Variants in DAD1 observed in about 807,000 individuals in gnomAD.
DAD1 encodes the protein dolichyl-diphosphooligosaccharide--protein glycosyltransferase subunit DAD1.
A neutral mutation model predicts 9.0 loss-of-function variants in DAD1; 4 were observed. That is an observed-to-expected ratio of 0.44 (90% CI 0.22 to 1.01). DAD1 has a LOEUF of 1.01. Ranked by LOEUF, DAD1 falls within the 50% of genes least tolerant of loss-of-function variation. The probability of loss-of-function intolerance (pLI) is 0.24; values close to 1 mark genes in which losing one functional copy is unlikely to be tolerated. For synonymous variants in DAD1, 60 were observed against 62.5 expected, an observed-to-expected ratio of 0.96 and a Z score of 0.19; for missense variants, 119 against 137.3, an observed-to-expected ratio of 0.87 and a Z score of 0.67.
At chr14:22,566,462 T>A (rs1372415104) in intron 2 of DAD1, among the ~76,000 whole-genome samples, 2 of 152,266 alleles carry the variant, frequency 1.3e-5, no homozygotes, top group East Asian at 3.9e-4. Flanking sequence ...ACCTGCTGAG[T>A]AGCTGGGATT....
intron 2 of DAD1, among the ~76,000 whole-genome samples, chr14:22,568,767 A>G (rs2037018212): frequency 6.7e-6 from 1 of 150,082 alleles, no homozygotes; most frequent in Non-Finnish European, 1.5e-5. Context: ...GCATGATCAC[A>G]GTTCACTGCA....
At chr14:22,582,342 T>A (rs1172167209) in intron 1 of DAD1, among the ~76,000 whole-genome samples, 19 of 144,772 alleles carry the variant, frequency 1.3e-4, no homozygotes, top group Admixed American at 1.1e-3. Context: ...GTGAGACCCA[T>A]CTCCACTAAA....
chr14:22,566,495 A>C (rs2037003074), intron 2 of DAD1, among the ~76,000 whole-genome samples: 1 of 152,156 alleles, frequency 6.6e-6, no homozygotes, highest in African/African-American at 2.4e-5. Flanking sequence ...CACCACACCC[A>C]GCTAATTTTT....
intron 2 of DAD1, among the ~76,000 whole-genome samples, chr14:22,573,629 G>A (rs573018313): frequency 1.4e-5 from 2 of 144,818 alleles, no homozygotes; most frequent in African/African-American, 2.6e-5. Context: ...AGAATGGCAT[G>A]AACTCGGGAG....
At chr14:22,566,322 C>T (rs2139234098) in intron 2 of DAD1, among the ~76,000 whole-genome samples, 1 of 150,536 alleles carries the variant, frequency 6.6e-6, no homozygotes, top group Admixed American at 6.7e-5. Flanking sequence ...GACTATCAGC[C>T]AATATAACAT....
At position 22,589,062 on chromosome 14, in the gene DAD1, C is replaced by T. The variant is rs1025349629; in HGVS notation, c.96G>A (p.Leu32=). ...QRLKLLDAYL[L]YILLTGALQF... ...GCAGCGCCCCGGTCAGCAGTATATA[C>T]AGCAGGTACGCGTCCAGCAACTTCA... Residue 32 remains leucine, a synonymous_variant, in exon 1 of 3, where the codon CTG becomes CTA. Coordinates refer to ENST00000250498, the MANE Select transcript of DAD1 (RefSeq NM_001344.4). 3.1e-6 allele frequency: 5 copies of T among 1,614,122 alleles called. No individual in the cohort carries two copies. The African/African-American group carries it at 6.7e-5, about 22-fold the overall frequency.
At chr14:22,570,555 T>C (rs1026298211) in intron 2 of DAD1, among the ~76,000 whole-genome samples, 7 of 152,156 alleles carry the variant, frequency 4.6e-5, no homozygotes, top group South Asian at 4.1e-4. Flanking sequence ...ACATGAAACA[T>C]ACCATCCACT....
At chr14:22,565,947 A>G (rs5742867) in intron 2 of DAD1, among the ~76,000 whole-genome samples, 14,288 of 152,240 alleles carry the variant, frequency 0.094, 1,237 homozygotes, top group African/African-American at 0.23. Context: ...TACGTGTACC[A>G]TGACTCAAAA....
chr14:22,571,313 C>CAAAAAAAAAA (rs71115558), intron 2 of DAD1, among the ~76,000 whole-genome samples: 30 of 115,312 alleles, frequency 2.6e-4, no homozygotes, highest in African/African-American at 8.0e-4. Flanking sequence ...GACTCTGTCT[C>CAAAAAAAAAA]AAAAAAAAAA....
chr14:22,565,055 G>A lies in DAD1; in HGVS notation c.*127C>T. On this transcript the variant is annotated 3_prime_UTR_variant, in exon 3 of 3. Coordinates refer to ENST00000250498, the MANE Select transcript of DAD1 (RefSeq NM_001344.4). ...TCCTGCATAAAAAGCAGAGCTAGCA[G>A]TAAGTGCAAATCTGAAGAAAATCCA... The A allele has an allele frequency of 1.4e-6, 1 of 699,138 alleles. No individual in the cohort carries two copies. Among genetic ancestry groups the A allele is most frequent in the Non-Finnish European group, 2.6e-6 (1 of 383,688 alleles). 43.3% of individuals were successfully genotyped at this position (699,138 alleles called of 1,614,324 possible).
At position 22,565,021 on chromosome 14, in the gene DAD1, G is replaced by A; in HGVS notation, c.*161C>T. The A allele has an allele frequency of 1.5e-6, 1 of 681,358 alleles. No homozygotes were observed. The highest frequency in any genetic ancestry group is 2.7e-6 in the Non-Finnish European group (1 of 375,144). 42.2% of individuals were successfully genotyped at this position (681,358 alleles called of 1,614,324 possible). Reference sequence around the variant, plus strand: ...GTTGTTCTGACACACAGTGAACTCTGGGCTTTTCTCCTGCATAAAAAGCAG... The same window carrying A: ...GTTGTTCTGACACACAGTGAACTCTAGGCTTTTCTCCTGCATAAAAAGCAG... On this transcript the variant is annotated 3_prime_UTR_variant, in exon 3 of 3. Transcript: ENST00000250498.
intron 1 of DAD1, among the ~76,000 whole-genome samples, chr14:22,576,099 G>A (rs2037076066): frequency 6.6e-6 from 1 of 152,114 alleles, no homozygotes; most frequent in Non-Finnish European, 1.5e-5. Flanking sequence ...GAACCCAAGC[G>A]ATCCTCCCAC....
At chr14:22,571,967 G>T (rs1427932582) in intron 2 of DAD1, among the ~76,000 whole-genome samples, 1 of 152,076 alleles carries the variant, frequency 6.6e-6, no homozygotes, top group Non-Finnish European at 1.5e-5. Context: ...TTCCTCATCT[G>T]TAAATGAGAA....
chr14:22,575,167 G>T lies in DAD1; in HGVS notation c.278C>A (p.Ala93Asp), dbSNP rs202246203. 27 of 1,614,156 alleles carry T rather than the reference G, an allele frequency of 1.7e-5. No homozygotes were observed. The highest frequency in any genetic ancestry group is 2.3e-5 in the Non-Finnish European group (27 of 1,180,018). ...ADFQGISPERAFADFLFASTI... is the reference protein window; with the variant it reads ...ADFQGISPERDFADFLFASTI... ...GCTGGCAAAGAGAAAATCAGCAAAG[G>T]CTCGCTCTGGGGAGATGCCTTGGAA... Residue 93 changes from alanine to aspartate, a missense_variant, in exon 2 of 3, where the codon GCC (alanine) becomes GAC (aspartate). Coordinates refer to ENST00000250498, the MANE Select transcript of DAD1 (RefSeq NM_001344.4).
chr14:22,570,280 G>GAA (rs2139236566), intron 2 of DAD1, among the ~76,000 whole-genome samples: 1 of 152,194 alleles, frequency 6.6e-6, no homozygotes, highest in African/African-American at 2.4e-5. Flanking sequence ...AATCAAACGG[G>GAA]AAACCTGCGG....
chr14:22,577,991 C>T (rs5742775), intron 1 of DAD1, among the ~76,000 whole-genome samples: 20 of 152,190 alleles, frequency 1.3e-4, no homozygotes, highest in Admixed American at 7.2e-4. Context: ...CGGTGGCTCA[C>T]GCCTGTAATC....
chr14:22,589,018 A>C lies in DAD1; in HGVS notation c.140T>G (p.Leu47Arg). The stretch of plus-strand genomic sequence containing the variant: ...AGAGTTGAAGGGGAAGGTCCCCACG[A>C]GGAGACAGTAACCGAACTGCAGCGC... ...TGALQFGYCL[L>R]VGTFPFNSFL... The change falls in exon 1 of 3, where the codon CTC becomes CGC. Residue 47 changes from leucine to arginine, a missense_variant. Leu to Arg is a moderately radical substitution (Grantham distance 102, BLOSUM62 -2). Transcript: ENST00000250498. 3 of 1,614,256 alleles carry C rather than the reference A, an allele frequency of 1.9e-6. No homozygotes were observed. Among genetic ancestry groups the C allele is most frequent in the Admixed American group, 1.7e-5 (1 of 60,028 alleles).
chr14:22,571,191 G>A (rs961932542), intron 2 of DAD1, among the ~76,000 whole-genome samples: 2 of 150,358 alleles, frequency 1.3e-5, no homozygotes, highest in African/African-American at 5.0e-5. Context: ...GCAAGTGCCT[G>A]TAGTCCCAGC....
intron 1 of DAD1, among the ~76,000 whole-genome samples, chr14:22,577,033 G>A (rs1052320775): frequency 3.3e-5 from 5 of 152,212 alleles, no homozygotes; most frequent in Non-Finnish European, 7.3e-5. Context: ...AAATAGGGTA[G>A]CCAGTGTGAA....
Sources: allele counts gnomAD v4.1 joint callset (sites outside exome capture counted in the v4.1 genomes callset), GRCh38; gene constraint gnomAD v4.1.1; transcripts MANE v1.5; gene names NCBI Gene and HGNC (gene_info 2026-07-23, HGNC 2026-07-21).